Variants in HMGXB3 observed in about 807,000 individuals in gnomAD.
The protein encoded by HMGXB3 is HMG domain-containing protein 3.
A neutral mutation model predicts 121.5 loss-of-function variants in HMGXB3; 45 were observed. The ratio of observed to expected loss-of-function variants is 0.37; its 90% CI spans 0.29 to 0.47. The LOEUF is 0.47. HMGXB3 is among the 20% of genes least tolerant of loss of function. The pLI is 0.99. For synonymous variants in HMGXB3, 590 were observed against 624.1 expected (o/e 0.95, Z 0.81); for missense variants, 1,376 against 1,602.2 (o/e 0.86, Z 2.41).
intron 3 of HMGXB3, among the ~76,000 whole-genome samples, chr5:150,007,413 G>A (rs947167958): frequency 2.0e-5 from 3 of 152,136 alleles, no homozygotes; most frequent in African/African-American, 7.2e-5. Context: ...TTGCAGGCTG[G>A]AACCTTTTAT....
chr5:150,048,927 G>A (rs568188551), intron 18 of HMGXB3, among the ~76,000 whole-genome samples: 1 of 152,326 alleles, frequency 6.6e-6, no homozygotes, highest in East Asian at 1.9e-4. Context: ...GGGCGAGCTT[G>A]TATAAAGAAT....
chr5:150,026,979 G>C, intron 8 of HMGXB3, 41 bp from the exon 9 acceptor site: 1 of 1,544,262 alleles, frequency 6.5e-7, no homozygotes, highest in Non-Finnish European at 8.8e-7. Context: ...GGGAGACTCT[G>C]AATGCACTTA....
In HMGXB3 at chr5:150,014,785, C is replaced by T. The variant is rs1268666591; in HGVS notation, c.909+2432C>T. ...TATGGGCCCTCTCTAGGAGTTTAATCTGGCATATCAATATTTAACTTGGGA... is the reference window on the plus strand; with the variant it reads ...TATGGGCCCTCTCTAGGAGTTTAATTTGGCATATCAATATTTAACTTGGGA... On this transcript the variant is annotated intron_variant, in intron 5 of 19. Transcript: ENST00000502717. 2.3e-5 allele frequency: 9 copies of T among 388,774 alleles called. No individual in the cohort carries two copies. The South Asian group carries it at 2.5e-4, about 11-fold the overall frequency. The allele number at this position is 388,774 out of a possible 1,614,324, so 24.1% of individuals were successfully genotyped here.
intron 2 of HMGXB3, 130 bp downstream of exon 2, chr5:150,005,119 G>A (rs1755666083): frequency 8.2e-7 from 1 of 1,215,202 alleles, no homozygotes; most frequent in African/African-American, 1.5e-5. Flanking sequence ...GAGGGATGAG[G>A]AGTGGGAAGT....
chr5:150,051,004 A>G (rs1756874992), intron 19 of HMGXB3, among the ~76,000 whole-genome samples: 2 of 152,316 alleles, frequency 1.3e-5, no homozygotes, highest in Admixed American at 1.3e-4. Context: ...ACCATGGATA[A>G]CACTGTATGG....
At chr5:150,041,689 CT>C in intron 14 of HMGXB3, 95 bp from the exon 15 acceptor site, 1 of 860,024 alleles carries the variant, frequency 1.2e-6, no homozygotes, top group Non-Finnish European at 1.8e-6. Flanking sequence ...GTGAATCAGT[CT>C]GGCAGAATTG....
intron 1 of HMGXB3, among the ~76,000 whole-genome samples, chr5:150,002,647 C>G (rs1392756126): frequency 6.6e-6 from 1 of 152,168 alleles, no homozygotes; most frequent in Non-Finnish European, 1.5e-5. Flanking sequence ...TGGTAAAAGT[C>G]CAATTTAGAA....
chr5:150,014,323 G>A (rs959976182), intron 5 of HMGXB3, among the ~76,000 whole-genome samples: 2 of 152,192 alleles, frequency 1.3e-5, no homozygotes, highest in Non-Finnish European at 2.9e-5. Flanking sequence ...AAAGACATCT[G>A]CAATAGACAA....
intron 3 of HMGXB3, among the ~76,000 whole-genome samples, chr5:150,008,620 CCT>C (rs1755763044): frequency 6.6e-6 from 1 of 152,176 alleles, no homozygotes; most frequent in Non-Finnish European, 1.5e-5. Context: ...CTGTCAGAGC[CCT>C]GTGGCAGGCT....
At chr5:150,013,567 C>G (rs368526798) in intron 5 of HMGXB3, among the ~76,000 whole-genome samples, 1 of 152,152 alleles carries the variant, frequency 6.6e-6, no homozygotes, top group Non-Finnish European at 1.5e-5. Flanking sequence ...CTTAAAATGA[C>G]TTGGGAAGTA....
intron 15 of HMGXB3, among the ~76,000 whole-genome samples, chr5:150,044,683 G>A (rs1270732234): frequency 2.0e-5 from 3 of 152,284 alleles, no homozygotes; most frequent in South Asian, 4.1e-4. Flanking sequence ...TTCCTCTGAG[G>A]AAACTTTTTT....
In HMGXB3 at chr5:150,047,823, G is replaced by A. The variant is rs992853330; in HGVS notation, c.3084+66G>A. ...GTAGGCTGATTGGTCCACTTTTTAG[G>A]TCAGGGATATGAATATCTGTGATGG... On this transcript the variant is annotated intron_variant, in intron 17 of 19. Transcript: ENST00000502717. 14 of 1,529,494 alleles carry A rather than the reference G, an allele frequency of 9.2e-6. No individual in the cohort carries two copies. The African/African-American group carries it at 1.1e-4, about 12-fold the overall frequency. 94.7% of individuals were successfully genotyped at this position (1,529,494 alleles called of 1,614,324 possible).
At chr5:150,034,654 A>G (rs1756461249) in intron 11 of HMGXB3, among the ~76,000 whole-genome samples, 1 of 152,074 alleles carries the variant, frequency 6.6e-6, no homozygotes, top group Non-Finnish European at 1.5e-5. Flanking sequence ...TCACTTTCCA[A>G]TCTCCTAAAG....
chr5:150,048,222 C>G (rs767224824), intron 17 of HMGXB3, among the ~76,000 whole-genome samples: 2 of 152,340 alleles, frequency 1.3e-5, no homozygotes, highest in Non-Finnish European at 2.9e-5. Context: ...CTTTCCCTTT[C>G]ATATTTCTGT....
At chr5:150,020,383 A>G (rs539811197) in intron 6 of HMGXB3, among the ~76,000 whole-genome samples, 2 of 152,332 alleles carry the variant, frequency 1.3e-5, no homozygotes, top group African/African-American at 4.8e-5. Context: ...ATTGAACTGG[A>G]TAGTAGTCAG....
chr5:150,050,171 G>C, intron 18 of HMGXB3, 81 bp from the exon 19 acceptor site: 2 of 1,240,154 alleles, frequency 1.6e-6, no homozygotes, highest in Non-Finnish European at 2.3e-6. Context: ...CATCTTCCTG[G>C]GAAGAAGCGA....
At position 150,010,532 on chromosome 5, in the gene HMGXB3, C is replaced by T. The variant is rs1199544300; in HGVS notation, c.734C>T (p.Pro245Leu). Reference sequence around the variant, plus strand: ...GAAGAGACCTTGGTGAATGGCTCACCAGACCTCCCCACTGGAAGCCTGGCT... The same window carrying T: ...GAAGAGACCTTGGTGAATGGCTCACTAGACCTCCCCACTGGAAGCCTGGCT... Reference protein sequence around the residue: ...VIEETLVNGSPDLPTGSLAVP... With the variant: ...VIEETLVNGSLDLPTGSLAVP... The change falls in exon 4 of 20, where the codon CCA becomes CTA. Residue 245 changes from proline to leucine, a missense_variant. Physicochemically the swap from Pro to Leu is moderately conservative, Grantham distance 98 (BLOSUM62 -3). Transcript: ENST00000502717. 6.4e-7 allele frequency: 1 copy of T among 1,551,580 alleles called. No homozygotes were observed. The highest frequency in any genetic ancestry group is 1.2e-5 in the South Asian group (1 of 84,058).
intron 19 of HMGXB3, among the ~76,000 whole-genome samples, chr5:150,051,239 G>C (rs758919008): frequency 6.6e-6 from 1 of 152,150 alleles, no homozygotes; most frequent in Non-Finnish European, 1.5e-5. Context: ...CCAGCCTTTG[G>C]CCTTTGCTGA....
chr5:150,028,503 G>A (rs1302381704), intron 9 of HMGXB3, among the ~76,000 whole-genome samples: 20 of 44,736 alleles, frequency 4.5e-4, no homozygotes, highest in Admixed American at 1.2e-3. Context: ...ATATATGTAT[G>A]TATGTGTGTG....
Sources: gnomAD v4.1 joint callset for allele counts (sites outside exome capture counted in the v4.1 genomes callset) on GRCh38, gnomAD v4.1.1 for gene constraint, MANE v1.5 for transcripts, NCBI Gene and HGNC (gene_info 2026-07-23, HGNC 2026-07-21) for gene names.